FBXO36: variants seen among roughly 807,000 people sequenced by gnomAD.
The protein encoded by FBXO36 is F-box only protein 36.
Under a neutral mutation model 17.0 loss-of-function variants are expected in FBXO36, and 18 were observed. The ratio of observed to expected loss-of-function variants is 1.06; its 90% CI spans 0.73 to 1.57. The LOEUF is 1.57. Among genes scored for constraint, FBXO36 ranks in the 40% most tolerant of loss-of-function variants. The probability of loss-of-function intolerance (pLI) is 0.00; values close to 1 mark genes in which losing one functional copy is unlikely to be tolerated. For missense variants in FBXO36, 229 were observed against 221.9 expected (o/e 1.03, Z -0.20); for synonymous variants, 83 against 85.3 (o/e 0.97, Z 0.15).
intron 2 of FBXO36, among the ~76,000 whole-genome samples, chr2:229,983,404 T>C (rs1431118572): frequency 6.6e-6 from 1 of 151,082 alleles, no homozygotes; most frequent in African/African-American, 2.4e-5. Context: ...AACAAAACAA[T>C]CCTCCCACCT....
At chr2:229,982,205 T>C (rs2077244141) in intron 2 of FBXO36, among the ~76,000 whole-genome samples, 1 of 151,904 alleles carries the variant, frequency 6.6e-6, no homozygotes, top group Non-Finnish European at 1.5e-5. Flanking sequence ...TTTGTATTTT[T>C]TGTAGAGATG....
intron 2 of FBXO36, among the ~76,000 whole-genome samples, chr2:229,987,926 A>G (rs1392117897): frequency 6.6e-6 from 1 of 152,066 alleles, no homozygotes; most frequent in East Asian, 1.9e-4. Context: ...GAGCCACTGC[A>G]CCTTGCCTAA....
rs5839351 is a variant in FBXO36, at chr2:230,011,598, C to CTTTTTTTTTTTTTTTTTTGTT, written c.*731_*732insTGTTTTTTTTTTTTTTTTTTT. The stretch of plus-strand genomic sequence containing the variant: ...AACCTATAAACATTTCTTTTCTTTT[C>CTTTTTTTTTTTTTTTTTTGTT]TTTTTTTTTTTTTTTTTGTATTTTC... On this transcript the variant is annotated 3_prime_UTR_variant, in exon 4 of 4. Transcript: ENST00000283946. 8.1e-6 allele frequency: 1 copy of CTTTTTTTTTTTTTTTTTTGTT among 123,442 alleles called. No homozygotes were observed. 7.6% of individuals were successfully genotyped at this position (123,442 alleles called of 1,614,324 possible). A position where few individuals can be genotyped will look rare whatever the true frequency, so the allele number is the denominator to read the frequency against.
chr2:229,991,869 T>C (rs1448232010), intron 2 of FBXO36, among the ~76,000 whole-genome samples: 2 of 152,194 alleles, frequency 1.3e-5, no homozygotes, highest in African/African-American at 4.8e-5. Flanking sequence ...TGTAGCCACC[T>C]TTCCCCATCT....
chr2:229,958,998 C>T (rs1215793798), intron 1 of FBXO36, among the ~76,000 whole-genome samples: 1 of 152,130 alleles, frequency 6.6e-6, no homozygotes, highest in African/African-American at 2.4e-5. Context: ...GCCGGAATGT[C>T]CCTCTAAGTC....
rs1183831723 is a variant in FBXO36 at position 230,011,593 on chromosome 2, CT to C, written c.*713del. The C allele has an allele frequency of 3.7e-5, 2 of 54,642 alleles. No individual in the cohort carries two copies. The highest frequency in any genetic ancestry group is 1.3e-4 in the African/African-American group (2 of 15,786). The allele number at this position is 54,642 out of a possible 1,614,324, so 3.4% of individuals were successfully genotyped here. A position where few individuals can be genotyped will look rare whatever the true frequency, so the allele number is the denominator to read the frequency against. ...AAATAAACCTATAAACATTTCTTTT[CT>C]TTTCTTTTTTTTTTTTTTTTTGTAT... On this transcript the variant is annotated 3_prime_UTR_variant, in exon 4 of 4. Coordinates refer to ENST00000283946, the MANE Select transcript of FBXO36 (RefSeq NM_174899.5).
At chr2:229,981,926 T>C (rs1469228922) in intron 2 of FBXO36, among the ~76,000 whole-genome samples, 1 of 151,988 alleles carries the variant, frequency 6.6e-6, no homozygotes, top group Non-Finnish European at 1.5e-5. Flanking sequence ...CTTCCAGTCA[T>C]GGTGGAAGGC....
rs796321345 is a variant in FBXO36, at chr2:229,981,710, AAAAAAAAGAAAG to A, written c.205+5365_205+5376del. ...GAATGAGACCCTGTCTCAAAAAAAA[AAAAAAAAGAAAG>A]AAAGAAAAAGGAAAAGAAAAAAAAA... On this transcript the variant is annotated intron_variant, in intron 2 of 3. Coordinates refer to ENST00000283946, the MANE Select transcript of FBXO36 (RefSeq NM_174899.5). 5.2e-4 allele frequency among the ~76,000 whole-genome samples: 78 copies of A among 148,848 alleles called. 1 individual carries two copies. The East Asian group carries it at 8.9e-3, about 17-fold the overall frequency.
chr2:230,008,493 T>A (rs1489513850), intron 3 of FBXO36, among the ~76,000 whole-genome samples: 1 of 152,182 alleles, frequency 6.6e-6, no homozygotes, highest in Non-Finnish European at 1.5e-5. Flanking sequence ...GGGTATTTTG[T>A]ACACGAACTT....
chr2:229,932,106 G>T (rs2076941725), intron 1 of FBXO36, among the ~76,000 whole-genome samples: 1 of 151,920 alleles, frequency 6.6e-6, no homozygotes, highest in South Asian at 2.1e-4. Flanking sequence ...TTTTAGGCTG[G>T]GCGCAGTAGT....
At chr2:229,982,961 A>AT (rs1487346041) in intron 2 of FBXO36, among the ~76,000 whole-genome samples, 2 of 152,038 alleles carry the variant, frequency 1.3e-5, no homozygotes, top group Non-Finnish European at 2.9e-5. Context: ...ACGTTGCTGA[A>AT]TTTTTTTAAC....
chr2:229,949,538 T>TACACACACACAC (rs56048655), intron 1 of FBXO36, among the ~76,000 whole-genome samples: 20 of 149,528 alleles, frequency 1.3e-4, no homozygotes, highest in East Asian at 1.2e-3. Flanking sequence ...GTAAAATGTA[T>TACACACACACAC]ACACACACAC....
At chr2:229,923,937 C>T (rs1370129025) in intron 1 of FBXO36, among the ~76,000 whole-genome samples, 2 of 147,294 alleles carry the variant, frequency 1.4e-5, no homozygotes, top group Non-Finnish European at 3.0e-5. Flanking sequence ...ACTGCGACCT[C>T]GTTTCACCAT....
chr2:229,923,615 AAT>A (rs1039107395), intron 1 of FBXO36, among the ~76,000 whole-genome samples: 2 of 151,752 alleles, frequency 1.3e-5, no homozygotes, highest in Non-Finnish European at 2.9e-5. Flanking sequence ...TATAAATGTT[AAT>A]ATATATTTTT....
chr2:229,924,588 T>C (rs907929566), intron 1 of FBXO36, among the ~76,000 whole-genome samples: 1 of 152,222 alleles, frequency 6.6e-6, no homozygotes, highest in Non-Finnish European at 1.5e-5. Context: ...TTTACAAGTA[T>C]GCTTCATTTC....
At chr2:229,965,956 T>C (rs1051064352) in intron 1 of FBXO36, among the ~76,000 whole-genome samples, 8 of 152,246 alleles carry the variant, frequency 5.3e-5, no homozygotes, top group Non-Finnish European at 1.2e-4. Flanking sequence ...ATCGCCATAC[T>C]GTCTTCCACA....
In FBXO36 at chr2:229,954,490, G is replaced by A. The variant is rs189433708; in HGVS notation, c.97-21751G>A. ...ACTCCTGACCTCAAGTGATCTGCCC[G>A]CTTCGGCCTCCCAAAGTGCTGGGAT... On this transcript the variant is annotated intron_variant, in intron 1 of 3. Transcript: ENST00000283946. Among the ~76,000 whole-genome samples, 807 of 148,230 alleles carry A rather than the reference G, an allele frequency of 5.4e-3. 8 individuals carry two copies. Among genetic ancestry groups the A allele is most frequent in the Middle Eastern group, 0.011 (3 of 270 alleles).
At chr2:230,005,681 T>C (rs919821241) in intron 3 of FBXO36, among the ~76,000 whole-genome samples, 6 of 152,234 alleles carry the variant, frequency 3.9e-5, no homozygotes, top group African/African-American at 1.4e-4. Context: ...TTCATTCATT[T>C]ATTTGAGATG....
intron 1 of FBXO36, among the ~76,000 whole-genome samples, chr2:229,945,596 A>G (rs2077022856): frequency 6.6e-6 from 1 of 150,398 alleles, no homozygotes; most frequent in African/African-American, 2.4e-5. Flanking sequence ...ATGACCCACC[A>G]CACCTGACCT....
Sources: gnomAD v4.1 joint callset for allele counts (sites outside exome capture counted in the v4.1 genomes callset) on GRCh38, gnomAD v4.1.1 for gene constraint, MANE v1.5 for transcripts, NCBI Gene and HGNC (gene_info 2026-07-23, HGNC 2026-07-21) for gene names.